The following LRRC7 variants were observed in gnomAD, a reference collection of about 807,000 sequenced individuals.
LRRC7 encodes the protein leucine rich repeat containing 7.
In LRRC7, 23 loss-of-function variants were observed where a neutral mutation model predicts 175.7. That is an observed-to-expected ratio of 0.13 (90% confidence interval 0.09 to 0.19). The LOEUF (loss-of-function observed/expected upper bound fraction) is 0.19. Among genes scored for constraint, LRRC7 ranks in the 10% least tolerant of loss-of-function variants. The probability of loss-of-function intolerance (pLI) is 1.00; values close to 1 mark genes in which losing one functional copy is unlikely to be tolerated. For missense variants in LRRC7, 1,354 were observed against 1,904.7 expected, an observed-to-expected ratio of 0.71 and a Z score of 5.38; for synonymous variants, 685 against 680.9, an observed-to-expected ratio of 1.01 and a Z score of -0.09.
intron 7 of LRRC7, among the ~76,000 whole-genome samples, chr1:69,922,853 C>G (rs1646934444): frequency 6.6e-6 from 1 of 151,414 alleles, no homozygotes; most frequent in Non-Finnish European, 1.5e-5. Context: ...GGTACATGTT[C>G]ACAATGTGCA....
chr1:69,869,347 A>C (rs1488451831), intron 7 of LRRC7, among the ~76,000 whole-genome samples: 2 of 152,124 alleles, frequency 1.3e-5, no homozygotes, highest in Admixed American at 1.3e-4. Context: ...GGAGAAGCCT[A>C]ATCTAGGTCT....
chr1:69,593,684 A>G (rs1646727034), intron 1 of LRRC7, among the ~76,000 whole-genome samples: 1 of 152,128 alleles, frequency 6.6e-6, no homozygotes, highest in African/African-American at 2.4e-5. Context: ...GTATTCTTTT[A>G]TTTGCCTTTT....
rs7547666 is a variant in LRRC7, at chr1:70,128,888, T to G, written c.*7001T>G. ...ATCTGTTTCAGTTTGAGCATGGTTT[T>G]TTCCATTTGGAGCTACAGATAGGTC... On this transcript the variant is annotated 3_prime_UTR_variant, in exon 27 of 27. Transcript: ENST00000651989. 118,226 of 151,980 alleles carry G rather than the reference T, an allele frequency of 0.78. 46,586 individuals carry two copies. The highest frequency in any genetic ancestry group is 0.91 in the African/African-American group (37,600 of 41,466). 9.4% of individuals were successfully genotyped at this position (151,980 alleles called of 1,614,324 possible).
intron 7 of LRRC7, among the ~76,000 whole-genome samples, chr1:69,924,067 C>T (rs1334046483): frequency 6.6e-6 from 1 of 152,168 alleles, no homozygotes; most frequent in African/African-American, 2.4e-5. Context: ...GGAATCCTTT[C>T]CCCATTTCTT....
chr1:69,841,084 CTGTCTCAGCG>C (rs1681674025), intron 7 of LRRC7, among the ~76,000 whole-genome samples: 1 of 151,976 alleles, frequency 6.6e-6, no homozygotes. Context: ...CTCGGTGATG[CTGTCTCAGCG>C]TGTCTCATGA....
chr1:69,861,622 A>C lies in LRRC7; in HGVS notation c.647+23339A>C, dbSNP rs1322121811. ...TGATAAAAGTTGAGTTCATCCAAGG[A>C]GGTAGAAAATCAAGTTCAAGGATAT... On this transcript the variant is annotated intron_variant, in intron 7 of 26. Transcript: ENST00000651989. 2.0e-5 allele frequency among the ~76,000 whole-genome samples: 3 copies of C among 152,306 alleles called. No homozygotes were observed. The East Asian group carries it at 5.8e-4, about 29-fold the overall frequency.
chr1:69,862,614 C>T (rs1276215354), intron 7 of LRRC7, among the ~76,000 whole-genome samples: 1 of 152,108 alleles, frequency 6.6e-6, no homozygotes, highest in Non-Finnish European at 1.5e-5. Flanking sequence ...AAATTTTCAG[C>T]AAATGCAGTT....
At chr1:69,728,173 T>C (rs1195897633) in intron 2 of LRRC7, among the ~76,000 whole-genome samples, 1 of 152,212 alleles carries the variant, frequency 6.6e-6, no homozygotes, top group Non-Finnish European at 1.5e-5. Flanking sequence ...TGACAGGTTT[T>C]CTGGAAAGTA....
intron 26 of LRRC7, among the ~76,000 whole-genome samples, chr1:70,117,241 A>AT (rs1665923302): frequency 6.6e-6 from 1 of 152,170 alleles, no homozygotes; most frequent in African/African-American, 2.4e-5. Context: ...TCTCTGAGCT[A>AT]TTTTTAAGCT....
At chr1:69,762,968 C>T (rs184403919) in intron 3 of LRRC7, among the ~76,000 whole-genome samples, 1 of 151,906 alleles carries the variant, frequency 6.6e-6, no homozygotes, top group Non-Finnish European at 1.5e-5. Flanking sequence ...ATAAAACAGC[C>T]ATGTAAGCTA....
chr1:69,768,848 T>C (rs545465061), intron 3 of LRRC7, among the ~76,000 whole-genome samples: 3 of 152,198 alleles, frequency 2.0e-5, no homozygotes, highest in Admixed American at 6.5e-5. Context: ...AAACTCTTAG[T>C]ACTTTTATCC....
At chr1:69,807,549 G>A (rs542960096) in intron 4 of LRRC7, among the ~76,000 whole-genome samples, 41 of 152,038 alleles carry the variant, frequency 2.7e-4, no homozygotes, top group African/African-American at 5.5e-4. Context: ...TTTCTCCTTC[G>A]CTTGTGAAGC....
chr1:69,751,017 T>C (rs140297494), intron 2 of LRRC7, among the ~76,000 whole-genome samples: 1 of 152,298 alleles, frequency 6.6e-6, no homozygotes, highest in East Asian at 1.9e-4. Context: ...CCCAGGAGCA[T>C]GGTCTGGGAA....
Position 69,722,448 on chromosome 1 carries a change from C to T in LRRC7, c.101-37743C>T, listed in dbSNP as rs1666463905. Among the ~76,000 whole-genome samples the T allele has an allele frequency of 2.6e-5, 4 of 152,004 alleles. No homozygotes were observed. In the South Asian group the frequency reaches 6.2e-4, roughly 24 times the overall value. On this transcript the variant is annotated intron_variant, in intron 2 of 26. Coordinates refer to ENST00000651989, the MANE Select transcript of LRRC7 (RefSeq NM_001370785.2). ...AATGGTATGCCTTTTTGTAATTTTGCTAGATTTTATAATGTTGCCTTGCAT... is the reference window on the plus strand; with the variant it reads ...AATGGTATGCCTTTTTGTAATTTTGTTAGATTTTATAATGTTGCCTTGCAT...
chr1:70,079,440 G>A (rs538389905), intron 24 of LRRC7, among the ~76,000 whole-genome samples: 1 of 152,118 alleles, frequency 6.6e-6, no homozygotes, highest in East Asian at 1.9e-4. Context: ...TTAAGAGCAA[G>A]GAGACACAGT....
intron 1 of LRRC7, among the ~76,000 whole-genome samples, chr1:69,659,160 T>C (rs1416878578): frequency 1.3e-5 from 2 of 152,020 alleles, no homozygotes; most frequent in African/African-American, 2.4e-5. Flanking sequence ...GTACTTTTCA[T>C]TGGCCAAGCA....
At chr1:70,051,507 G>A (rs1019445456) in intron 22 of LRRC7, among the ~76,000 whole-genome samples, 1 of 151,928 alleles carries the variant, frequency 6.6e-6, no homozygotes, top group African/African-American at 2.4e-5. Context: ...CACTAGAAAA[G>A]TGATGCTGGA....
intron 4 of LRRC7, among the ~76,000 whole-genome samples, chr1:69,803,856 C>G (rs1444791095): frequency 6.6e-6 from 1 of 151,238 alleles, no homozygotes; most frequent in African/African-American, 2.4e-5. Flanking sequence ...AATGTTTTCT[C>G]CATTACATTC....
Position 70,143,693 on chromosome 1 carries a change from A to G in LRRC7, c.*21806A>G, listed in dbSNP as rs1020664090. 1 of 152,140 alleles carries G rather than the reference A, an allele frequency of 6.6e-6. No individual in the cohort carries two copies. The highest frequency in any genetic ancestry group is 2.4e-5 in the African/African-American group (1 of 41,436). 9.4% of individuals were successfully genotyped at this position (152,140 alleles called of 1,614,324 possible). On this transcript the variant is annotated 3_prime_UTR_variant, in exon 27 of 27. Transcript: ENST00000651989. ...AAGGTTTTCTACTTGGGTGTACTCT[A>G]GCCAATTCAAAACAAATTGCTTACT...
Sources: gnomAD v4.1 joint callset for allele counts (sites outside exome capture counted in the v4.1 genomes callset) on GRCh38, gnomAD v4.1.1 for gene constraint, MANE v1.5 for transcripts, NCBI Gene and HGNC (gene_info 2026-07-23, HGNC 2026-07-21) for gene names.